ZFHX3: variants seen among roughly 807,000 people sequenced by gnomAD.
The protein encoded by ZFHX3 is zinc finger homeobox protein 3.
A neutral mutation model predicts 279.1 loss-of-function variants in ZFHX3; 42 were observed. The observed-to-expected ratio is 0.15, with a 90% confidence interval of 0.12 to 0.19. ZFHX3 has a LOEUF of 0.19. Among genes scored for constraint, ZFHX3 ranks in the 10% least tolerant of loss-of-function variants. The pLI, the probability that ZFHX3 is intolerant of heterozygous loss-of-function variation, is 1.00. For missense variants in ZFHX3, 4,981 were observed against 4,754.0 expected (o/e 1.05, Z -1.40); for synonymous variants, 2,293 against 1,957.8 (o/e 1.17, Z -4.52).
intron 1 of ZFHX3, among the ~76,000 whole-genome samples, chr16:73,710,314 C>T (rs1233196972): frequency 2.0e-5 from 3 of 152,236 alleles, no homozygotes; most frequent in South Asian, 2.1e-4. Flanking sequence ...CATGTGGTCA[C>T]TTTAAATGAG....
intron 2 of ZFHX3, among the ~76,000 whole-genome samples, chr16:73,666,797 C>T (rs767832300): frequency 5.9e-5 from 9 of 151,824 alleles, no homozygotes; most frequent in African/African-American, 1.2e-4. Context: ...CCCTTAGCAA[C>T]GACTGATCTG....
intron 2 of ZFHX3, among the ~76,000 whole-genome samples, chr16:73,608,091 G>A (rs1312679231): frequency 6.6e-6 from 1 of 151,356 alleles, no homozygotes; most frequent in African/African-American, 2.4e-5. Context: ...AAAAAAAAAA[G>A]AGAATAGGGG....
intron 5 of ZFHX3, among the ~76,000 whole-genome samples, chr16:73,243,812 C>G (rs2144946938): frequency 6.6e-6 from 1 of 151,944 alleles, no homozygotes; most frequent in East Asian, 1.9e-4. Flanking sequence ...AACAGATCAC[C>G]CACCCAGAAT....
chr16:73,647,614 A>G (rs956508842), intron 2 of ZFHX3, among the ~76,000 whole-genome samples: 1 of 152,146 alleles, frequency 6.6e-6, no homozygotes, highest in Admixed American at 6.5e-5. Context: ...TAAATTACCC[A>G]GTCTCAGGTA....
At chr16:72,968,590 A>G (rs1597032833) in intron 1 of ZFHX3, among the ~76,000 whole-genome samples, 2 of 151,542 alleles carry the variant, frequency 1.3e-5, no homozygotes, top group Admixed American at 1.3e-4. Context: ...CCTCCTAAGT[A>G]GCTGGAACTA....
chr16:72,795,323 C>A lies in ZFHX3; in HGVS notation c.7359G>T (p.Glu2453Asp). 1 of 1,614,058 alleles carries A rather than the reference C, an allele frequency of 6.2e-7. No individual in the cohort carries two copies. The highest frequency in any genetic ancestry group is 8.5e-7 in the Non-Finnish European group (1 of 1,180,018). The change falls in exon 9 of 10, where the codon GAG becomes GAT. Residue 2453 changes from glutamate (E) to aspartate (D), a missense_variant. Physicochemically the swap from Glu to Asp is conservative, Grantham distance 45. Around this residue, in one of 7 missense-constraint regions of ZFHX3, gnomAD observed 744 missense variants for 701.3 expected, o/e 1.06. Coordinates refer to ENST00000268489, the MANE Select transcript of ZFHX3 (RefSeq NM_006885.4). ...TQEKQGQPKP[E>D]LQQQEQPEQK... ...GCTCGGGCTGCTCTTGCTGCTGCAG[C>A]TCTGGCTTTGGTTGTCCTTGCTTTT...
chr16:73,353,721 C>T (rs138595385), intron 3 of ZFHX3, among the ~76,000 whole-genome samples: 26 of 151,144 alleles, frequency 1.7e-4, no homozygotes, highest in South Asian at 6.3e-4. Flanking sequence ...ACCCAGTGTG[C>T]GGTGAAAAAT....
intron 2 of ZFHX3, among the ~76,000 whole-genome samples, chr16:73,512,852 T>A (rs1046955648): frequency 6.6e-5 from 10 of 152,214 alleles, no homozygotes; most frequent in Non-Finnish European, 1.0e-4. Context: ...CTATGTTGCC[T>A]GGGAGGGCCC....
chr16:73,356,801 C>T (rs1434947682), intron 3 of ZFHX3, among the ~76,000 whole-genome samples: 1 of 150,538 alleles, frequency 6.6e-6, no homozygotes, highest in Non-Finnish European at 1.5e-5. Context: ...TACATGAAGG[C>T]TGTTTGCTGC....
At chr16:73,515,983 G>A (rs1202816025) in intron 2 of ZFHX3, among the ~76,000 whole-genome samples, 1 of 152,148 alleles carries the variant, frequency 6.6e-6, no homozygotes, top group Non-Finnish European at 1.5e-5. Flanking sequence ...ATATAACATG[G>A]AACAAAGTAA....
At chr16:73,626,183 A>G (rs368345895) in intron 2 of ZFHX3, among the ~76,000 whole-genome samples, 4 of 152,306 alleles carry the variant, frequency 2.6e-5, no homozygotes, top group East Asian at 3.9e-4. Context: ...GGATATTAAC[A>G]TAGGACTACA....
At chr16:72,961,820 T>C (rs1029793806) in intron 1 of ZFHX3, among the ~76,000 whole-genome samples, 4 of 152,208 alleles carry the variant, frequency 2.6e-5, no homozygotes, top group African/African-American at 7.2e-5. Context: ...CTTCAGATTT[T>C]GCAACCACAA....
chr16:73,067,296 A>G (rs1965767332), intron 8 of ZFHX3, among the ~76,000 whole-genome samples: 1 of 152,200 alleles, frequency 6.6e-6, no homozygotes, highest in African/African-American at 2.4e-5. Flanking sequence ...TTAAGCCCCG[A>G]CAGTTGAATG....
chr16:73,025,497 T>C (rs770513387), intron 1 of ZFHX3, among the ~76,000 whole-genome samples: 8 of 152,230 alleles, frequency 5.3e-5, no homozygotes, highest in South Asian at 2.1e-4. Context: ...TACAGCAGTA[T>C]TGACAGCACA....
intron 2 of ZFHX3, among the ~76,000 whole-genome samples, chr16:73,531,015 G>A (rs574409436): frequency 2.0e-5 from 3 of 152,234 alleles, no homozygotes; most frequent in South Asian, 2.1e-4. Flanking sequence ...ATGAAACAGG[G>A]GTATACAGTA....
intron 2 of ZFHX3, among the ~76,000 whole-genome samples, chr16:73,512,984 C>A (rs946449454): frequency 7.2e-5 from 11 of 152,142 alleles, no homozygotes; most frequent in African/African-American, 2.7e-4. Context: ...ATGGAAATGC[C>A]ATCATAGAAG....
rs1380407729 is a variant in ZFHX3 at position 73,143,751 on chromosome 16, CCT to C, written c.-1025_-1024del. The C allele has an allele frequency of 3.1e-6, 4 of 1,305,290 alleles. No homozygotes were observed. The Admixed American group carries it at 6.9e-5, about 22-fold the overall frequency. The allele number at this position is 1,305,290 out of a possible 1,614,324, so 80.9% of individuals were successfully genotyped here. A position where few individuals can be genotyped will look rare whatever the true frequency, so the allele number is the denominator to read the frequency against. On this transcript the variant is annotated splice_region_variant and 5_prime_UTR_variant, in exon 6 of 18. Transcript: ENST00000641206. Reference sequence around the variant, plus strand: ...TGAGAAACAAGAAAGCTGGAACTCACCTCTCTAATTCCGGCAAAGCTGGACAC... The same window carrying C: ...TGAGAAACAAGAAAGCTGGAACTCACCTCTAATTCCGGCAAAGCTGGACAC...
upstream of ZFHX3, among the ~76,000 whole-genome samples, chr16:73,063,102 G>T (rs966377234): frequency 1.3e-5 from 2 of 152,208 alleles, no homozygotes; most frequent in African/African-American, 4.8e-5. Flanking sequence ...GTCTCTGCAC[G>T]GGATCCAAGG....
chr16:73,329,462 T>A lies in ZFHX3; in HGVS notation c.-1290-11126A>T, dbSNP rs577591235. ...AATCCATATTGAATTCATGTCCAGA[T>A]GCCTCGACCGGCGGAGCCAGATCCT... On this transcript the variant is annotated intron_variant, in intron 3 of 17. Transcript: ENST00000641206. 5.9e-5 allele frequency among the ~76,000 whole-genome samples: 9 copies of A among 152,392 alleles called. No individual in the cohort carries two copies. In the East Asian group the frequency reaches 1.3e-3, roughly 23 times the overall value.
Sources: gnomAD v4.1 joint callset for allele counts (sites outside exome capture counted in the v4.1 genomes callset) on GRCh38, gnomAD v4.1.1 for gene constraint, gnomAD v4.1.1 regional missense constraint, MANE v1.5 for transcripts, NCBI Gene and HGNC (gene_info 2026-07-23, HGNC 2026-07-21) for gene names.